The following TAOK1 variants were observed in gnomAD, a reference collection of about 807,000 sequenced individuals.
TAOK1 encodes the protein TAO kinase 1.
A neutral mutation model predicts 138.3 loss-of-function variants in TAOK1; 21 were observed. The observed-to-expected ratio is 0.15, with a 90% CI of 0.11 to 0.22. The LOEUF (loss-of-function observed/expected upper bound fraction) is 0.22, where lower values mean the gene tolerates loss of function less well. Among genes scored for constraint, TAOK1 ranks in the 10% least tolerant of loss-of-function variants. TAOK1 has a pLI of 1.00. For missense variants in TAOK1, 651 were observed against 1,227.7 expected, an observed-to-expected ratio of 0.53 and a Z score of 7.02; for synonymous variants, 361 against 398.4, an observed-to-expected ratio of 0.91 and a Z score of 1.12.
Position 29,508,042 on chromosome 17 carries a change from A to G in TAOK1, c.1485A>G (p.Arg495=). 6.2e-7 allele frequency: 1 copy of G among 1,614,132 alleles called. No homozygotes were observed. Among genetic ancestry groups the G allele is most frequent in the Non-Finnish European group, 8.5e-7 (1 of 1,179,996 alleles). ...CTGAGATGGATGAACATCGCCTCAG[A>G]TTAGACAAAGATCTTGAAACTCAGC... ...LKAEMDEHRL[R]LDKDLETQRN... Residue 495 remains arginine (R), a synonymous_variant, in exon 14 of 20, where the codon AGA becomes AGG. Coordinates refer to ENST00000261716, the MANE Select transcript of TAOK1 (RefSeq NM_020791.4).
At chr17:29,499,361 A>G (rs1401991995) in intron 12 of TAOK1, among the ~76,000 whole-genome samples, 1 of 149,606 alleles carries the variant, frequency 6.7e-6, no homozygotes, top group African/African-American at 2.5e-5. Flanking sequence ...CCTCCTGAGT[A>G]GCTGGAATTA....
chr17:29,454,764 C>T (rs2030332455), intron 2 of TAOK1, among the ~76,000 whole-genome samples: 5 of 151,690 alleles, frequency 3.3e-5, no homozygotes, highest in South Asian at 2.1e-4. Context: ...TGCAGTGGTG[C>T]GATCTCGGCT....
At chr17:29,466,492 A>G (rs1404187717) in intron 2 of TAOK1, among the ~76,000 whole-genome samples, 5 of 152,072 alleles carry the variant, frequency 3.3e-5, no homozygotes, top group Non-Finnish European at 7.4e-5. Context: ...TGCCCTGTAA[A>G]ATTTGGTTTG....
At chr17:29,507,763 A>G in intron 13 of TAOK1, 133 bp from the exon 14 acceptor site, 1 of 814,690 alleles carries the variant, frequency 1.2e-6, no homozygotes, top group South Asian at 2.0e-5. Context: ...CTTGTTGGAA[A>G]TTTCCTTGGA....
At chr17:29,397,647 T>C (rs67546072) in intron 1 of TAOK1, among the ~76,000 whole-genome samples, 5,063 of 59,494 alleles carry the variant, frequency 0.085, 310 homozygotes, top group African/African-American at 0.21. Flanking sequence ...TACATGTATA[T>C]ATGTATATTC....
chr17:29,437,951 C>A (rs1408299404), intron 1 of TAOK1, among the ~76,000 whole-genome samples: 2 of 152,044 alleles, frequency 1.3e-5, no homozygotes, highest in Non-Finnish European at 2.9e-5. Flanking sequence ...CCAGGCTGGT[C>A]TCGGCCTCCT....
chr17:29,417,408 T>C (rs1183737358), intron 1 of TAOK1, among the ~76,000 whole-genome samples: 1 of 152,172 alleles, frequency 6.6e-6, no homozygotes, highest in African/African-American at 2.4e-5. Flanking sequence ...TAGATGTAGG[T>C]TTTGCAGATA....
At chr17:29,542,345 G>T (rs1263622813) in intron 19 of TAOK1, among the ~76,000 whole-genome samples, 1 of 151,892 alleles carries the variant, frequency 6.6e-6, no homozygotes, top group Non-Finnish European at 1.5e-5. Context: ...CGCAATATGT[G>T]CATGTAAAAA....
intron 14 of TAOK1, among the ~76,000 whole-genome samples, chr17:29,508,924 G>A: frequency 6.6e-6 from 1 of 152,012 alleles, no homozygotes; most frequent in East Asian, 1.9e-4. Flanking sequence ...GTAGAATGTA[G>A]ACTTCTCAGT....
At chr17:29,480,297 T>C in intron 6 of TAOK1, 71 bp from the exon 7 acceptor site, 1 of 1,132,402 alleles carries the variant, frequency 8.8e-7, no homozygotes, top group Non-Finnish European at 1.2e-6. Flanking sequence ...GAATTCTTGT[T>C]TTATTTTTAT....
At chr17:29,452,345 A>T (rs923293527) in intron 2 of TAOK1, among the ~76,000 whole-genome samples, 2 of 152,184 alleles carry the variant, frequency 1.3e-5, no homozygotes, top group Non-Finnish European at 2.9e-5. Context: ...CATGGCTTGC[A>T]TTGCTATAGA....
chr17:29,483,203 G>A (rs1160394210), intron 8 of TAOK1, among the ~76,000 whole-genome samples: 1 of 152,062 alleles, frequency 6.6e-6, no homozygotes, highest in Non-Finnish European at 1.5e-5. Flanking sequence ...TCAGCCTCCT[G>A]CATAGCTGGG....
In TAOK1 at chr17:29,459,522, A is replaced by G. The variant is rs557593509; in HGVS notation, c.133-7623A>G. Among the ~76,000 whole-genome samples, 21 of 152,062 alleles carry G rather than the reference A, an allele frequency of 1.4e-4. 1 individual carries two copies. The South Asian group carries it at 3.3e-3, about 24-fold the overall frequency. Reference sequence around the variant, plus strand: ...GGCTGGTCTCGAACTCCTGACCTCAAGTGATCCACCTGCCTCAGCCTCCCA... The same window carrying G: ...GGCTGGTCTCGAACTCCTGACCTCAGGTGATCCACCTGCCTCAGCCTCCCA... On this transcript the variant is annotated intron_variant, in intron 2 of 19. Transcript: ENST00000261716.
At chr17:29,493,268 G>A (rs1178254269) in intron 10 of TAOK1, among the ~76,000 whole-genome samples, 2 of 152,136 alleles carry the variant, frequency 1.3e-5, no homozygotes, top group African/African-American at 2.4e-5. Context: ...GCCGAGGCGG[G>A]TGGATCACCT....
At chr17:29,454,062 C>T (rs1598487432) in intron 2 of TAOK1, among the ~76,000 whole-genome samples, 2 of 151,600 alleles carry the variant, frequency 1.3e-5, no homozygotes, top group East Asian at 3.9e-4. Flanking sequence ...GCAGTCCACC[C>T]ACCTTGGCCT....
chr17:29,502,176 G>A (rs2031542640), intron 12 of TAOK1, among the ~76,000 whole-genome samples: 1 of 152,194 alleles, frequency 6.6e-6, no homozygotes, highest in East Asian at 1.9e-4. Context: ...GCTTCCACCT[G>A]TCATCCTAGC....
chr17:29,493,589 C>T (rs904087722), intron 10 of TAOK1, among the ~76,000 whole-genome samples: 1 of 151,960 alleles, frequency 6.6e-6, no homozygotes, highest in African/African-American at 2.4e-5. Context: ...TAACCCAGCC[C>T]ACTAGTATTT....
chr17:29,473,570 G>T (rs2030875403), intron 3 of TAOK1, among the ~76,000 whole-genome samples: 1 of 149,288 alleles, frequency 6.7e-6, no homozygotes, highest in Non-Finnish European at 1.5e-5. Context: ...CTGCACTCCA[G>T]TGTGGATGGC....
chr17:29,441,601 G>A (rs2029940983), intron 1 of TAOK1, among the ~76,000 whole-genome samples: 1 of 151,930 alleles, frequency 6.6e-6, no homozygotes, highest in South Asian at 2.1e-4. Flanking sequence ...TGTAAGTTTA[G>A]TAGTAACATC....
Sources: gnomAD v4.1 joint callset for allele counts (sites outside exome capture counted in the v4.1 genomes callset) on GRCh38, gnomAD v4.1.1 for gene constraint, MANE v1.5 for transcripts, NCBI Gene and HGNC (gene_info 2026-07-23, HGNC 2026-07-21) for gene names.